Variants in POLD1 observed in about 807,000 individuals in gnomAD.
The protein encoded by POLD1 is DNA polymerase delta 1, catalytic subunit.
In POLD1, 79 loss-of-function variants were observed where a neutral mutation model predicts 129.7. The observed-to-expected ratio is 0.61, with a 90% confidence interval of 0.51 to 0.73. POLD1 has a LOEUF of 0.73. Ranked by LOEUF, POLD1 falls within the 30% of genes least tolerant of loss-of-function variation. The probability of loss-of-function intolerance (pLI) is 0.00; values close to 1 mark genes in which losing one functional copy is unlikely to be tolerated. For missense variants in POLD1, 1,338 were observed against 1,595.8 expected (o/e 0.84, Z 2.75); for synonymous variants, 714 against 683.3 (o/e 1.04, Z -0.70).
At position 50,402,457 on chromosome 19, in the gene POLD1, C is replaced by T. The variant is rs779178936; in HGVS notation, c.762C>T (p.Phe254=). ...YEANVDFEIR[F]MVDTDIVGCN... is the part of the protein sequence containing the mutation. The stretch of plus-strand genomic sequence containing the variant: ...ACTGACCCCCAGCCCCCTCCAGGTT[C>T]ATGGTGGACACGGACATCGTCGGCT... The change falls in exon 7 of 27, where the codon TTC becomes TTT. Residue 254 remains phenylalanine (F), a synonymous_variant. Transcript: ENST00000440232. 3.7e-6 allele frequency: 6 copies of T among 1,612,870 alleles called. No homozygotes were observed. In the South Asian group the frequency reaches 5.5e-5, roughly 15 times the overall value.
chr19:50,416,258 C>G (rs2039283957), intron 22 of POLD1, 138 bp from the exon 23 acceptor site: 1 of 845,242 alleles, frequency 1.2e-6, no homozygotes, highest in South Asian at 1.7e-5. Context: ...ACCTCCGACC[C>G]CATCCCAGAC....
chr19:50,398,607 A>T (rs576524907), intron 1 of POLD1, among the ~76,000 whole-genome samples: 1 of 147,732 alleles, frequency 6.8e-6, no homozygotes, highest in African/African-American at 2.5e-5. Context: ...GAGATGTGCT[A>T]AGGACCTAGT....
At chr19:50,402,163 C>T (rs1416144319) in intron 5 of POLD1, 39 bp downstream of exon 5, 3 of 1,592,460 alleles carry the variant, frequency 1.9e-6, no homozygotes, top group Non-Finnish European at 2.6e-6. Context: ...GGAGGGTCCC[C>T]TCGGGAGGCC....
At position 50,415,610 on chromosome 19, in the gene POLD1, G is replaced by A. The variant is rs2122477821; in HGVS notation, c.2717+20G>A. The A allele has an allele frequency of 6.2e-7, 1 of 1,606,508 alleles. No individual in the cohort carries two copies. Among genetic ancestry groups the A allele is most frequent in the South Asian group, 1.1e-5 (1 of 90,622 alleles). The stretch of plus-strand genomic sequence containing the variant: ...CGAGAGGTCCTGCGCGGGGCGGGTG[G>A]CCTGGCCAGAAATAACCCCCTCCTT... On this transcript the variant is annotated intron_variant, in intron 21 of 26. Transcript: ENST00000440232.
In POLD1 at chr19:50,406,558, C is replaced by A; in HGVS notation, c.1494+41C>A. On this transcript the variant is annotated intron_variant, in intron 12 of 26. Transcript: ENST00000440232. The surrounding 1 kb of genome is among the most constrained non-coding windows in gnomAD (Gnocchi z 5.5). ...CTGACCTCTCACCCCAACCTCTGAC[C>A]TCCACCTCACCCTTCCCCGGCCTCT... 7.1e-7 allele frequency: 1 copy of A among 1,412,076 alleles called. No homozygotes were observed. Among genetic ancestry groups the A allele is most frequent in the Non-Finnish European group, 9.8e-7 (1 of 1,021,056 alleles). The allele number at this position is 1,412,076 out of a possible 1,614,324, so 87.5% of individuals were successfully genotyped here.
In POLD1 at chr19:50,413,527, G is replaced by T; in HGVS notation, c.2250+6G>T. On this transcript the variant is annotated splice_donor_region_variant and intron_variant, in intron 18 of 26. Transcript: ENST00000440232. ...GCTACAGCACCAGTGCCAAGGTCGGGGGCTGCCCACCGCTGCCCTGAGATG... is the reference window on the plus strand; with the variant it reads ...GCTACAGCACCAGTGCCAAGGTCGGTGGCTGCCCACCGCTGCCCTGAGATG... 1.2e-6 allele frequency: 2 copies of T among 1,603,198 alleles called. No individual in the cohort carries two copies. Among genetic ancestry groups the T allele is most frequent in the Non-Finnish European group, 1.7e-6 (2 of 1,174,362 alleles).
At chr19:50,400,845 C>T (rs539632732) in intron 3 of POLD1, among the ~76,000 whole-genome samples, 2 of 151,618 alleles carry the variant, frequency 1.3e-5, no homozygotes, top group South Asian at 2.1e-4. Context: ...TACAGGCACC[C>T]GCCCCAACTC....
chr19:50,404,992 C>G (rs1240976788), intron 10 of POLD1, among the ~76,000 whole-genome samples: 2 of 151,710 alleles, frequency 1.3e-5, no homozygotes, highest in African/African-American at 4.8e-5. Flanking sequence ...CTCGAACTCC[C>G]AATCTCAGGT....
chr19:50,395,362 G>T (rs1050530640), intron 1 of POLD1, among the ~76,000 whole-genome samples: 24 of 151,894 alleles, frequency 1.6e-4, no homozygotes, highest in African/African-American at 5.8e-4. Context: ...TCGGGAGGCC[G>T]AGGCGGGCGG....
rs1555792887 is a variant in POLD1 at position 50,414,953 on chromosome 19, C to T, written c.2527C>T (p.Leu843=). ...RRDNCPLVAN[L]VTASLRRLLI... ...GGACAACTGCCCCCTCGTGGCCAACCTGGTCACTGCCTCACTGCGCCGCCT... is the reference window on the plus strand; with the variant it reads ...GGACAACTGCCCCCTCGTGGCCAACTTGGTCACTGCCTCACTGCGCCGCCT... Residue 843 remains leucine (L), a synonymous_variant, in exon 20 of 27, where the codon CTG becomes TTG. Transcript: ENST00000440232. 1 of 1,606,072 alleles carries T rather than the reference C, an allele frequency of 6.2e-7. No individual in the cohort carries two copies. Among genetic ancestry groups the T allele is most frequent in the East Asian group, 2.2e-5 (1 of 44,584 alleles).
chr19:50,416,718 A>C lies in POLD1; in HGVS notation c.3062A>C (p.His1021Pro), dbSNP rs892295785. 5.9e-6 allele frequency: 9 copies of C among 1,534,974 alleles called. No individual in the cohort carries two copies. The highest frequency in any genetic ancestry group is 7.9e-6 in the Non-Finnish European group (9 of 1,144,442). ...ATTGGCTGCCGCACAGTGCTCAGCC[A>C]CCAGGGTGAGCGGCCCTGGCCACTG... Reference protein sequence around the residue: ...CCIGCRTVLSHQGAVCEFCQP... With the variant: ...CCIGCRTVLSPQGAVCEFCQP... The change falls in exon 24 of 27, where the codon CAC becomes CCC. Residue 1021 changes from histidine (H) to proline (P), a missense_variant. By Grantham distance (77) the His-to-Pro change is moderately conservative (BLOSUM62 -2). This residue lies in a region of POLD1 where 286 missense variants were observed against 277.5 expected (regional missense o/e 1.03). Coordinates refer to ENST00000440232, the MANE Select transcript of POLD1 (RefSeq NM_002691.4).
intron 17 of POLD1, chr19:50,410,903 A>G (rs2039065732): frequency 6.6e-6 from 1 of 150,678 alleles, no homozygotes; most frequent in East Asian, 1.9e-4. Flanking sequence ...CCTACCATAA[A>G]CCATGTTAGT....
chr19:50,415,034 A>G, intron 20 of POLD1, 44 bp downstream of exon 20: 1 of 1,448,838 alleles, frequency 6.9e-7, no homozygotes, highest in Non-Finnish European at 9.2e-7. Flanking sequence ...CTGGGCCCCA[A>G]ACCCCTCCTC....
At chr19:50,403,701 G>C (rs1274869978) in intron 10 of POLD1, 104 bp downstream of exon 10, 2 of 788,530 alleles carry the variant, frequency 2.5e-6, no homozygotes, top group African/African-American at 3.4e-5. Context: ...GGTGCATCTT[G>C]CTCTGTGTGC....
In POLD1 at chr19:50,414,995, G is replaced by T; in HGVS notation, c.2564+5G>T. On this transcript the variant is annotated splice_donor_5th_base_variant and intron_variant, in intron 20 of 26. Transcript: ENST00000440232. ...GCGCCGCCTGCTCATCGACCGGTGT[G>T]TGGGGCCTCCTCCCTCAGACTCAGG... 1 of 1,560,844 alleles carries T rather than the reference G, an allele frequency of 6.4e-7. No homozygotes were observed. Among genetic ancestry groups the T allele is most frequent in the Non-Finnish European group, 8.7e-7 (1 of 1,152,084 alleles).
At chr19:50,397,109 A>G (rs1275848862) in intron 1 of POLD1, among the ~76,000 whole-genome samples, 1 of 145,414 alleles carries the variant, frequency 6.9e-6, no homozygotes, top group Non-Finnish European at 1.5e-5. Context: ...AAAAAAAAAG[A>G]AAACACAGGC....
Position 50,413,481 on chromosome 19 carries a change from C to CT in POLD1, c.2211dup (p.Lys738Ter), listed in dbSNP as rs2039159849. ...GAGAAAACCAAGCAGCTGGTGGAGTCTAAGTACACAGTGGAGAATGGCTAC... is the reference window on the plus strand; with the variant it reads ...GAGAAAACCAAGCAGCTGGTGGAGTCTTAAGTACACAGTGGAGAATGGCTAC... On this transcript the variant is annotated frameshift_variant, in exon 18 of 27. Coordinates refer to ENST00000440232, the MANE Select transcript of POLD1 (RefSeq NM_002691.4). LOFTEE classifies it high-confidence loss of function. 1 of 1,612,988 alleles carries CT rather than the reference C, an allele frequency of 6.2e-7. No individual in the cohort carries two copies. Among genetic ancestry groups the CT allele is most frequent in the Non-Finnish European group, 8.5e-7 (1 of 1,179,430 alleles).
chr19:50,391,937 A>G (rs2038190517), intron 1 of POLD1, among the ~76,000 whole-genome samples: 1 of 151,832 alleles, frequency 6.6e-6, no homozygotes, highest in African/African-American at 2.4e-5. Context: ...GGCTGGTCTT[A>G]ATCTCCTGAC....
At chr19:50,398,570 CAAAAAAAAAA>C (rs35689550) in intron 1 of POLD1, among the ~76,000 whole-genome samples, 3 of 64,220 alleles carry the variant, frequency 4.7e-5, no homozygotes, top group South Asian at 9.5e-4. Flanking sequence ...AATTCCATCT[CAAAAAAAAAA>C]AAAAAAAAAA....
Sources: allele counts gnomAD v4.1 joint callset (sites outside exome capture counted in the v4.1 genomes callset), GRCh38; gene constraint gnomAD v4.1.1; regional missense constraint gnomAD v4.1.1; non-coding constraint Gnocchi (gnomAD v3.1); transcripts MANE v1.5; gene names NCBI Gene and HGNC (gene_info 2026-07-23, HGNC 2026-07-21).